The following FRMD4A variants were observed in gnomAD, a reference collection of about 807,000 sequenced individuals.
FRMD4A encodes FERM domain-containing protein 4A.
A neutral mutation model predicts 129.1 loss-of-function variants in FRMD4A; 29 were observed. The observed-to-expected ratio is 0.22, with a 90% confidence interval of 0.17 to 0.31. The LOEUF (loss-of-function observed/expected upper bound fraction) is 0.31, where lower values mean the gene tolerates loss of function less well. Among genes scored for constraint, FRMD4A ranks in the 10% least tolerant of loss-of-function variants. The pLI, the probability that FRMD4A is intolerant of heterozygous loss-of-function variation, is 1.00. For synonymous variants in FRMD4A, 634 were observed against 571.6 expected (o/e 1.11, Z -1.56); for missense variants, 1,272 against 1,375.8 (o/e 0.92, Z 1.19).
At position 13,761,263 on chromosome 10, in the gene FRMD4A, G is replaced by C. The variant is rs377101534; in HGVS notation, c.464+384C>G. 4.1e-4 allele frequency among the ~76,000 whole-genome samples: 62 copies of C among 152,204 alleles called. No individual in the cohort carries two copies. In the South Asian group the frequency reaches 0.012, roughly 30 times the overall value. ...CCTTGAGGGGCAGGGACTACATTGA[G>C]AGAAAAAAAGATGTCCACCTACTTG... On this transcript the variant is annotated intron_variant, in intron 8 of 24. Coordinates refer to ENST00000357447, the MANE Select transcript of FRMD4A (RefSeq NM_018027.5).
In FRMD4A at chr10:14,039,407, C is replaced by CATCTATCT. The variant is rs1265069563; in HGVS notation, c.46-180503_46-180496dup. On this transcript the variant is annotated intron_variant, in intron 2 of 24. Coordinates refer to ENST00000357447, the MANE Select transcript of FRMD4A (RefSeq NM_018027.5). ...CCATCCATCCATCCATCCATCCATC[C>CATCTATCT]ATCTATCTATCTATCTATCTATCTA... Among the ~76,000 whole-genome samples the CATCTATCT allele has an allele frequency of 9.5e-4, 140 of 147,808 alleles. 2 individuals are homozygous for CATCTATCT. The highest frequency in any genetic ancestry group is 3.0e-3 in the African/African-American group (116 of 38,698).
chr10:14,222,321 A>T (rs931669907), intron 2 of FRMD4A, among the ~76,000 whole-genome samples: 3 of 152,206 alleles, frequency 2.0e-5, no homozygotes, highest in African/African-American at 7.2e-5. Context: ...ATTCAACGTG[A>T]GTGTAGCTTT....
chr10:13,966,597 C>T (rs896666310), intron 2 of FRMD4A, among the ~76,000 whole-genome samples: 5 of 152,170 alleles, frequency 3.3e-5, no homozygotes, highest in Non-Finnish European at 4.4e-5. Context: ...GATGGAAACC[C>T]GGGTGGGACA....
chr10:14,083,833 AC>A (rs1448455450), intron 2 of FRMD4A: 1 of 152,232 alleles, frequency 6.6e-6, no homozygotes, highest in African/African-American at 2.4e-5. Context: ...GCATAGAGTG[AC>A]ATCAATAACG....
chr10:13,959,510 A>ATTT (rs71388141), intron 2 of FRMD4A, among the ~76,000 whole-genome samples: 18,802 of 89,626 alleles, frequency 0.21, 2,599 homozygotes, highest in Middle Eastern at 0.29. Context: ...GCTGTGAGTG[A>ATTT]TTTTTTTTTT....
chr10:14,264,002 G>T (rs1004686114), intron 2 of FRMD4A, among the ~76,000 whole-genome samples: 1 of 152,202 alleles, frequency 6.6e-6, no homozygotes, highest in African/African-American at 2.4e-5. Flanking sequence ...ACAAAGAGCT[G>T]CTGCATTAAT....
chr10:13,925,464 A>C (rs1192759183), intron 2 of FRMD4A, among the ~76,000 whole-genome samples: 1 of 151,924 alleles, frequency 6.6e-6, no homozygotes, highest in African/African-American at 2.4e-5. Flanking sequence ...CACAAAAGGC[A>C]GCATGCAAAT....
At chr10:14,123,260 C>A (rs1043363031) in intron 2 of FRMD4A, among the ~76,000 whole-genome samples, 4 of 152,152 alleles carry the variant, frequency 2.6e-5, no homozygotes, top group South Asian at 2.1e-4. Flanking sequence ...TTGAGCCACT[C>A]CTGTTAGTTC....
chr10:13,975,076 C>G (rs1444611135), intron 2 of FRMD4A, among the ~76,000 whole-genome samples: 1 of 150,108 alleles, frequency 6.7e-6, no homozygotes, highest in Non-Finnish European at 1.5e-5. Context: ...TATGTGTGTC[C>G]ATGTGTGCCT....
At chr10:14,044,415 A>G (rs914479131) in intron 2 of FRMD4A, among the ~76,000 whole-genome samples, 6 of 152,216 alleles carry the variant, frequency 3.9e-5, no homozygotes, top group South Asian at 2.1e-4. Context: ...TTATTTGGAA[A>G]TAGGTTCTTT....
intron 2 of FRMD4A, among the ~76,000 whole-genome samples, chr10:14,053,322 G>A (rs945251969): frequency 1.3e-5 from 2 of 152,178 alleles, no homozygotes; most frequent in African/African-American, 2.4e-5. Flanking sequence ...AGATCCCTGT[G>A]AGTAATTCTC....
chr10:14,118,678 G>A (rs1207332354), intron 2 of FRMD4A, among the ~76,000 whole-genome samples: 1 of 152,208 alleles, frequency 6.6e-6, no homozygotes, highest in African/African-American at 2.4e-5. Context: ...TTACACAGTG[G>A]CCGGCAAGAG....
At chr10:13,758,968 A>G (rs914937488) in intron 8 of FRMD4A, among the ~76,000 whole-genome samples, 8 of 152,172 alleles carry the variant, frequency 5.3e-5, no homozygotes, top group African/African-American at 1.9e-4. Context: ...TCCCAGAAGC[A>G]GATGGGAAGG....
At chr10:14,014,289 A>T (rs1442296216) in intron 2 of FRMD4A, among the ~76,000 whole-genome samples, 1 of 152,224 alleles carries the variant, frequency 6.6e-6, no homozygotes, top group Admixed American at 6.5e-5. Context: ...ATTCTTCCTA[A>T]TACCCTGACT....
chr10:14,057,240 C>G (rs929089516), intron 2 of FRMD4A, among the ~76,000 whole-genome samples: 4 of 152,184 alleles, frequency 2.6e-5, no homozygotes, highest in Non-Finnish European at 5.9e-5. Context: ...AAACAGAGAA[C>G]ACACAGTCAC....
rs369509048 is a variant in FRMD4A at position 13,934,864 on chromosome 10, T to C, written c.46-75952A>G. Among the ~76,000 whole-genome samples, 3 of 152,308 alleles carry C rather than the reference T, an allele frequency of 2.0e-5. No individual in the cohort carries two copies. The East Asian group carries it at 5.8e-4, about 29-fold the overall frequency. Reference sequence around the variant, plus strand: ...CTTAGACTGGGTAATTTATAAACATTAGAAATTTATTGCTAACAGTTCTGG... The same window carrying C: ...CTTAGACTGGGTAATTTATAAACATCAGAAATTTATTGCTAACAGTTCTGG... On this transcript the variant is annotated intron_variant, in intron 2 of 24. Coordinates refer to ENST00000357447, the MANE Select transcript of FRMD4A (RefSeq NM_018027.5).
chr10:13,882,873 G>A lies in FRMD4A; in HGVS notation c.46-23961C>T, dbSNP rs77449299. On this transcript the variant is annotated intron_variant, in intron 2 of 24. Transcript: ENST00000357447. ...GGCTGGAGTGCAGTGGCACTATCAC[G>A]GCTCACTGCAACCTCTGCCTTCTGG... is the stretch of plus-strand genomic sequence containing the variant. Among the ~76,000 whole-genome samples, 2,313 of 150,174 alleles carry A rather than the reference G, an allele frequency of 0.015. 134 individuals carry two copies. In the East Asian group the frequency reaches 0.19, roughly 12 times the overall value.
chr10:14,082,953 T>C (rs1836016132), intron 2 of FRMD4A: 1 of 152,218 alleles, frequency 6.6e-6, no homozygotes, highest in African/African-American at 2.4e-5. Context: ...AAGATAGATA[T>C]TAATGTCTTA....
Position 13,701,262 on chromosome 10 carries a change from C to G in FRMD4A, c.975+78G>C, listed in dbSNP as rs2086806018. On this transcript the variant is annotated intron_variant, in intron 14 of 24. Coordinates refer to ENST00000357447, the MANE Select transcript of FRMD4A (RefSeq NM_018027.5). ...CCCGGGCAAGGGACATGGCGCCTCC[C>G]CCACCCATCCGATCCTCATTCCTAA... The G allele has an allele frequency of 7.2e-6, 10 of 1,391,608 alleles. No individual in the cohort carries two copies. In the Admixed American group the frequency reaches 1.8e-4, roughly 25 times the overall value. 86.2% of individuals were successfully genotyped at this position (1,391,608 alleles called of 1,614,324 possible).
Sources: gnomAD v4.1 joint callset for allele counts (sites outside exome capture counted in the v4.1 genomes callset) on GRCh38, gnomAD v4.1.1 for gene constraint, MANE v1.5 for transcripts, NCBI Gene and HGNC (gene_info 2026-07-23, HGNC 2026-07-21) for gene names.